ABCC1: variants seen among roughly 807,000 people sequenced by gnomAD.
ABCC1 encodes the protein multidrug resistance-associated protein 1.
In ABCC1, 83 loss-of-function variants were observed where a neutral mutation model predicts 172.9. The observed-to-expected ratio is 0.48, with a 90% CI of 0.40 to 0.58. The LOEUF (loss-of-function observed/expected upper bound fraction) is 0.58. ABCC1 is among the 20% of genes least tolerant of loss of function. The pLI, the probability that ABCC1 is intolerant of heterozygous loss-of-function variation, is 0.00. For synonymous variants in ABCC1, 937 were observed against 825.2 expected, an observed-to-expected ratio of 1.14 and a Z score of -2.32; for missense variants, 1,817 against 2,002.7, an observed-to-expected ratio of 0.91 and a Z score of 1.77.
intron 20 of ABCC1, among the ~76,000 whole-genome samples, chr16:16,103,668 A>C (rs925283749): frequency 6.6e-6 from 1 of 152,234 alleles, no homozygotes; most frequent in Non-Finnish European, 1.5e-5. Flanking sequence ...TAAACGTATC[A>C]GACCGCGGAG....
At chr16:16,103,272 C>G (rs1016948015) in intron 20 of ABCC1, among the ~76,000 whole-genome samples, 16 of 152,100 alleles carry the variant, frequency 1.1e-4, no homozygotes, top group African/African-American at 3.9e-4. Context: ...ATTAACCATC[C>G]TAGCTTTTAA....
At chr16:16,118,444 T>TTTTC (rs1555501544) in intron 23 of ABCC1, among the ~76,000 whole-genome samples, 2 of 132,586 alleles carry the variant, frequency 1.5e-5, no homozygotes, top group South Asian at 2.4e-4. Flanking sequence ...TTTTTTTTTT[T>TTTTC]CCCCTGCATT....
At chr16:16,079,058 G>A (rs1184146420) in intron 15 of ABCC1, among the ~76,000 whole-genome samples, 1 of 152,056 alleles carries the variant, frequency 6.6e-6, no homozygotes, top group African/African-American at 2.4e-5. Context: ...TCTCCGAGGG[G>A]CAAAAACTGT....
chr16:16,026,128 C>T (rs954265375), intron 5 of ABCC1, among the ~76,000 whole-genome samples: 9 of 152,084 alleles, frequency 5.9e-5, no homozygotes, highest in Admixed American at 2.0e-4. Flanking sequence ...AGGCCTTCCA[C>T]GTCAGATAGA....
chr16:16,053,219 C>G (rs2049504964), intron 11 of ABCC1, among the ~76,000 whole-genome samples: 1 of 151,236 alleles, frequency 6.6e-6, no homozygotes, highest in Non-Finnish European at 1.5e-5. Context: ...CAAATTACCC[C>G]CTACTTTTTT....
At chr16:15,993,222 T>C (rs1352416423) in intron 1 of ABCC1, among the ~76,000 whole-genome samples, 1 of 152,180 alleles carries the variant, frequency 6.6e-6, no homozygotes, top group Non-Finnish European at 1.5e-5. Flanking sequence ...TAAACAGTCA[T>C]CGAATGATAG....
At chr16:16,074,679 CCTCT>C (rs1476439634) in intron 14 of ABCC1, among the ~76,000 whole-genome samples, 3 of 152,210 alleles carry the variant, frequency 2.0e-5, no homozygotes, top group African/African-American at 7.2e-5. Flanking sequence ...TTCTCTGCAA[CCTCT>C]CTGTCTCCAG....
At chr16:16,105,090 G>C (rs1161559813) in intron 20 of ABCC1, among the ~76,000 whole-genome samples, 1 of 152,232 alleles carries the variant, frequency 6.6e-6, no homozygotes, top group Non-Finnish European at 1.5e-5. Flanking sequence ...GCAGCGGCGG[G>C]CTGAAGGGCT....
intron 11 of ABCC1, 84 bp downstream of exon 11, chr16:16,052,900 T>C (rs1381132207): frequency 7.3e-7 from 1 of 1,370,450 alleles, no homozygotes; most frequent in Non-Finnish European, 1.0e-6. Context: ...TTCCTTCTGC[T>C]CTGTCCCTGG....
At chr16:16,026,154 G>A (rs981366215) in intron 5 of ABCC1, among the ~76,000 whole-genome samples, 3 of 152,092 alleles carry the variant, frequency 2.0e-5, no homozygotes, top group Non-Finnish European at 4.4e-5. Flanking sequence ...TTTCCAGGCC[G>A]GGTGCAGTGG....
chr16:16,019,906 G>C (rs1352521777), intron 5 of ABCC1, among the ~76,000 whole-genome samples: 1 of 152,122 alleles, frequency 6.6e-6, no homozygotes, highest in East Asian at 1.9e-4. Context: ...TGTCACTGCT[G>C]GTCTTCCAAG....
chr16:15,991,829 A>G (rs568108490), intron 1 of ABCC1, among the ~76,000 whole-genome samples: 17 of 152,124 alleles, frequency 1.1e-4, no homozygotes, highest in African/African-American at 3.4e-4. Flanking sequence ...TGCCTTGACA[A>G]TGGCTGCAGC....
intron 1 of ABCC1, among the ~76,000 whole-genome samples, chr16:15,989,249 G>C (rs1285958580): frequency 6.6e-6 from 1 of 151,994 alleles, no homozygotes; most frequent in Non-Finnish European, 1.5e-5. Flanking sequence ...TTTATTCTTA[G>C]CTCTGCTGAG....
At chr16:15,977,635 G>A (rs1299575739) in intron 1 of ABCC1, among the ~76,000 whole-genome samples, 2 of 152,048 alleles carry the variant, frequency 1.3e-5, no homozygotes, top group African/African-American at 2.4e-5. Flanking sequence ...TTGGCCCTTC[G>A]AGATGGAGGT....
intron 19 of ABCC1, among the ~76,000 whole-genome samples, chr16:16,096,245 CA>C (rs1195486993): frequency 6.6e-6 from 1 of 150,536 alleles, no homozygotes; most frequent in East Asian, 2.0e-4. Context: ...AACAAAAAAA[CA>C]AAAAAAAACT....
At chr16:15,969,405 T>C (rs1489515336) in intron 1 of ABCC1, among the ~76,000 whole-genome samples, 1 of 150,452 alleles carries the variant, frequency 6.6e-6, no homozygotes, top group Non-Finnish European at 1.5e-5. Flanking sequence ...AGAGTTTCTG[T>C]CTTGTTGCCC....
chr16:16,132,776 C>T (rs1445140392), intron 27 of ABCC1, among the ~76,000 whole-genome samples: 1 of 151,344 alleles, frequency 6.6e-6, no homozygotes, highest in East Asian at 2.0e-4. Flanking sequence ...CCCGCCTCAG[C>T]CTCCCCAAGT....
chr16:16,036,741 T>C, intron 7 of ABCC1, 138 bp downstream of exon 7: 1 of 892,126 alleles, frequency 1.1e-6, no homozygotes, highest in South Asian at 1.7e-5. Flanking sequence ...TCACTTCTCC[T>C]CCTGGCCTCA....
intron 1 of ABCC1, among the ~76,000 whole-genome samples, chr16:15,950,450 T>A (rs2045844140): frequency 6.6e-6 from 1 of 152,090 alleles, no homozygotes; most frequent in Non-Finnish European, 1.5e-5. Flanking sequence ...GGGGCAGACT[T>A]GGGGTGCAGC....
Sources: gnomAD v4.1 joint callset for allele counts (sites outside exome capture counted in the v4.1 genomes callset) on GRCh38, gnomAD v4.1.1 for gene constraint, MANE v1.5 for transcripts, NCBI Gene and HGNC (gene_info 2026-07-23, HGNC 2026-07-21) for gene names.